Variants in ANKS1B observed in about 807,000 individuals in gnomAD.
ANKS1B encodes ankyrin repeat and sterile alpha motif domain containing 1B.
A neutral mutation model predicts 148.3 loss-of-function variants in ANKS1B; 36 were observed. The observed-to-expected ratio is 0.24, with a 90% CI of 0.19 to 0.32. The LOEUF is 0.32. Ranked by LOEUF, ANKS1B falls within the 10% of genes least tolerant of loss-of-function variation. The pLI, the probability that ANKS1B is intolerant of heterozygous loss-of-function variation, is 1.00. For synonymous variants in ANKS1B, 542 were observed against 560.8 expected (o/e 0.97, Z 0.47); for missense variants, 1,157 against 1,542.6 (o/e 0.75, Z 4.19).
chr12:99,589,767 G>A lies in ANKS1B; in HGVS notation c.1272+65300C>T, dbSNP rs534178078. 3.3e-5 allele frequency among the ~76,000 whole-genome samples: 5 copies of A among 152,150 alleles called. No individual in the cohort carries two copies. In the South Asian group the frequency reaches 6.2e-4, roughly 19 times the overall value. On this transcript the variant is annotated intron_variant, in intron 9 of 26. Coordinates refer to ENST00000683438, the MANE Select transcript of ANKS1B (RefSeq NM_001352186.2). ...AAATGAATGTATGGTACAATAGGGC[G>A]ACTATAGTTAACAATAATTTATAGC...
chr12:99,956,910 T>C (rs1355549096), intron 1 of ANKS1B, among the ~76,000 whole-genome samples: 1 of 152,248 alleles, frequency 6.6e-6, no homozygotes, highest in African/African-American at 2.4e-5. Flanking sequence ...TAATACCTTG[T>C]TAATCCATCA....
chr12:98,939,835 T>C (rs929313788), intron 17 of ANKS1B, among the ~76,000 whole-genome samples: 10 of 152,198 alleles, frequency 6.6e-5, no homozygotes, highest in African/African-American at 2.4e-4. Flanking sequence ...GCCCCTAAGA[T>C]GTGGAAAGAG....
At chr12:98,763,019 C>A (rs959297755) in intron 25 of ANKS1B, among the ~76,000 whole-genome samples, 9 of 152,238 alleles carry the variant, frequency 5.9e-5, no homozygotes, top group African/African-American at 2.2e-4. Context: ...TCTGTCTTCT[C>A]TCCCACAGGC....
chr12:99,551,760 G>A (rs369327860), intron 9 of ANKS1B, among the ~76,000 whole-genome samples: 3 of 152,120 alleles, frequency 2.0e-5, no homozygotes, highest in African/African-American at 7.2e-5. Flanking sequence ...ATGAATTAGT[G>A]TAACAGTTCC....
intron 9 of ANKS1B, among the ~76,000 whole-genome samples, chr12:99,524,524 G>A (rs908124636): frequency 1.3e-5 from 2 of 152,222 alleles, no homozygotes; most frequent in Non-Finnish European, 2.9e-5. Flanking sequence ...CAGTGTCAGT[G>A]ATGCAACACG....
At chr12:99,200,035 C>A (rs536957426) in intron 14 of ANKS1B, among the ~76,000 whole-genome samples, 1 of 152,264 alleles carries the variant, frequency 6.6e-6, no homozygotes, top group East Asian at 1.9e-4. Context: ...CAGGCACAGG[C>A]CAGAACTGCT....
At chr12:98,975,122 C>A (rs1868358197) in intron 17 of ANKS1B, among the ~76,000 whole-genome samples, 1 of 141,272 alleles carries the variant, frequency 7.1e-6, no homozygotes, top group Non-Finnish European at 1.5e-5. Context: ...TCTGTTTCCT[C>A]TTTCCTTCCT....
intron 17 of ANKS1B, among the ~76,000 whole-genome samples, chr12:99,028,440 T>G (rs1446864360): frequency 2.0e-5 from 3 of 152,246 alleles, no homozygotes; most frequent in African/African-American, 7.2e-5. Flanking sequence ...TGTTTTTAAA[T>G]GTATGTATAC....
chr12:99,539,388 T>C (rs1198969631), intron 9 of ANKS1B, among the ~76,000 whole-genome samples: 1 of 152,204 alleles, frequency 6.6e-6, no homozygotes, highest in African/African-American at 2.4e-5. Context: ...AGTTTTTTTG[T>C]ATATTATTGA....
chr12:99,403,356 CGT>C (rs1029294326), intron 11 of ANKS1B, among the ~76,000 whole-genome samples: 1 of 142,422 alleles, frequency 7.0e-6, no homozygotes, highest in African/African-American at 2.7e-5. Context: ...GGGGTTTTGC[CGT>C]GTTGGTCAGG....
chr12:99,414,742 T>C (rs562520433), intron 11 of ANKS1B, among the ~76,000 whole-genome samples: 1 of 152,294 alleles, frequency 6.6e-6, no homozygotes, highest in South Asian at 2.1e-4. Flanking sequence ...AATGATGTGT[T>C]GATGGGTGCA....
chr12:99,673,248 T>C (rs1191665269), intron 8 of ANKS1B, among the ~76,000 whole-genome samples: 2 of 152,060 alleles, frequency 1.3e-5, no homozygotes, highest in Non-Finnish European at 2.9e-5. Flanking sequence ...TATCAAGACA[T>C]ACTCAGGCAA....
intron 14 of ANKS1B, among the ~76,000 whole-genome samples, chr12:99,213,277 C>A (rs1387346037): frequency 6.6e-6 from 1 of 152,222 alleles, no homozygotes; most frequent in Non-Finnish European, 1.5e-5. Flanking sequence ...GGAAGCCTGG[C>A]AGCGGGTCAT....
chr12:99,852,925 G>T (rs1308341093), intron 1 of ANKS1B, among the ~76,000 whole-genome samples: 1 of 152,154 alleles, frequency 6.6e-6, no homozygotes, highest in Non-Finnish European at 1.5e-5. Context: ...GGGGGAGCTG[G>T]GTGAGGCCTG....
chr12:99,326,437 A>AT (rs1308489895), intron 12 of ANKS1B, among the ~76,000 whole-genome samples: 1 of 152,126 alleles, frequency 6.6e-6, no homozygotes, highest in Non-Finnish European at 1.5e-5. Flanking sequence ...AACAAGGGCA[A>AT]TTTTGTGAGA....
At chr12:99,864,762 A>G (rs916837549) in intron 1 of ANKS1B, among the ~76,000 whole-genome samples, 4 of 152,192 alleles carry the variant, frequency 2.6e-5, no homozygotes, top group Non-Finnish European at 5.9e-5. Flanking sequence ...TAAATTACAT[A>G]TTTTAAAAGC....
At chr12:98,976,082 G>T (rs1332312681) in intron 17 of ANKS1B, among the ~76,000 whole-genome samples, 1 of 152,172 alleles carries the variant, frequency 6.6e-6, no homozygotes, top group Non-Finnish European at 1.5e-5. Context: ...AAACAATCAT[G>T]TCTATAAGAC....
downstream of ANKS1B, among the ~76,000 whole-genome samples, chr12:98,743,113 T>C (rs2097816208): frequency 6.6e-6 from 1 of 152,200 alleles, no homozygotes; most frequent in Non-Finnish European, 1.5e-5. Context: ...CAGAAGTAAT[T>C]AGGAGTGATG....
intron 15 of ANKS1B, among the ~76,000 whole-genome samples, chr12:99,104,025 C>T (rs1003340790): frequency 6.6e-6 from 1 of 152,154 alleles, no homozygotes; most frequent in African/African-American, 2.4e-5. Flanking sequence ...GAATGACATG[C>T]TGATAAAATT....
Sources: allele counts gnomAD v4.1 joint callset (sites outside exome capture counted in the v4.1 genomes callset), GRCh38; gene constraint gnomAD v4.1.1; transcripts MANE v1.5; gene names NCBI Gene and HGNC (gene_info 2026-07-23, HGNC 2026-07-21).